RNF144A: variants seen among roughly 807,000 people sequenced by gnomAD.
RNF144A encodes the protein E3 ubiquitin-protein ligase RNF144A.
In RNF144A, 11 loss-of-function variants were observed where a neutral mutation model predicts 38.7. That is an observed-to-expected ratio of 0.28 (90% CI 0.18 to 0.47). The LOEUF (loss-of-function observed/expected upper bound fraction) is 0.47. RNF144A is among the 20% of genes least tolerant of loss of function. RNF144A has a pLI of 0.99. For missense variants in RNF144A, 316 were observed against 377.2 expected, an observed-to-expected ratio of 0.84 and a Z score of 1.34; for synonymous variants, 149 against 143.9, an observed-to-expected ratio of 1.04 and a Z score of -0.25.
intron 8 of RNF144A, among the ~76,000 whole-genome samples, chr2:7,032,998 T>A (rs918258937): frequency 6.6e-6 from 1 of 152,244 alleles, no homozygotes; most frequent in Non-Finnish European, 1.5e-5. Context: ...TGTGAGTGGA[T>A]GCTGTTGTGT....
At position 7,020,618 on chromosome 2, in the gene RNF144A, C is replaced by T. The variant is rs1276902407; in HGVS notation, c.447C>T (p.Ser149=). 6.2e-7 allele frequency: 1 copy of T among 1,609,920 alleles called. No homozygotes were observed. Residue 149 remains serine, a synonymous_variant, in exon 6 of 9, where the codon AGC becomes AGT. Coordinates refer to ENST00000320892, the MANE Select transcript of RNF144A (RefSeq NM_014746.6). ...AATTCTGCTCCACCTGCAAAGCCAG[C>T]TGGCACCCTGGCCAGGGCTGCCCGG... The part of the protein sequence containing the change: ...RMEFCSTCKA[S]WHPGQGCPET...
intron 2 of RNF144A, among the ~76,000 whole-genome samples, chr2:6,976,354 G>T (rs1456929192): frequency 6.6e-6 from 1 of 152,068 alleles, no homozygotes; most frequent in Non-Finnish European, 1.5e-5. Context: ...TCTTATAATT[G>T]TGTTTGTTTG....
intron 1 of RNF144A, among the ~76,000 whole-genome samples, chr2:6,931,338 G>T (rs1405813906): frequency 6.6e-6 from 1 of 152,228 alleles, no homozygotes; most frequent in Non-Finnish European, 1.5e-5. Flanking sequence ...ATCCTCTGAG[G>T]ATTAAAGAAA....
intron 6 of RNF144A, chr2:7,063,061 GGGA>G (rs1163554189): frequency 1.3e-5 from 2 of 152,208 alleles, no homozygotes; most frequent in African/African-American, 4.8e-5. Context: ...ATTGCAGCTG[GGGA>G]GGAGGACACC....
chr2:6,918,326 T>C (rs1168791714), intron 1 of RNF144A: 2 of 152,406 alleles, frequency 1.3e-5, no homozygotes, highest in African/African-American at 4.8e-5. Flanking sequence ...TGCACTGTGC[T>C]TGGCTCCCAG....
chr2:7,004,387 CACCA>C (rs1670306428), intron 3 of RNF144A, among the ~76,000 whole-genome samples: 1 of 152,188 alleles, frequency 6.6e-6, no homozygotes, highest in Non-Finnish European at 1.5e-5. Context: ...CTATTGGCTG[CACCA>C]CCCTATCTGA....
intron 2 of RNF144A, among the ~76,000 whole-genome samples, chr2:6,979,312 T>C (rs1668491440): frequency 6.6e-6 from 1 of 152,068 alleles, no homozygotes; most frequent in African/African-American, 2.4e-5. Flanking sequence ...TTTTTCCTGG[T>C]TATTAGGACA....
chr2:6,978,707 G>A (rs1162648781), intron 2 of RNF144A: 1 of 152,662 alleles, frequency 6.6e-6, no homozygotes, highest in African/African-American at 2.4e-5. Context: ...CAGGAAACAA[G>A]TAGGCTGGTT....
In RNF144A at chr2:6,990,406, A is replaced by G. The variant is rs912649619; in HGVS notation, c.-11-6510A>G. 2.2e-3 allele frequency among the ~76,000 whole-genome samples: 303 copies of G among 138,078 alleles called. 6 individuals carry two copies. The highest frequency in any genetic ancestry group is 6.0e-3 in the African/African-American group (216 of 36,172). 90.6% of individuals were successfully genotyped at this position (138,078 alleles called of 152,430 possible). On this transcript the variant is annotated intron_variant, in intron 2 of 8. Coordinates refer to ENST00000320892, the MANE Select transcript of RNF144A (RefSeq NM_014746.6). Reference sequence around the variant, plus strand: ...TATTTACACACACACACACACACACACACACACACACACACACACACACAC... The same window carrying G: ...TATTTACACACACACACACACACACGCACACACACACACACACACACACAC...
intron 1 of RNF144A, among the ~76,000 whole-genome samples, chr2:6,939,705 T>C (rs781749779): frequency 1.3e-5 from 2 of 152,220 alleles, no homozygotes; most frequent in African/African-American, 4.8e-5. Context: ...TAAATTTAGC[T>C]GTTATATTTA....
chr2:6,995,923 C>A (rs1373679108), intron 2 of RNF144A, among the ~76,000 whole-genome samples: 1 of 152,162 alleles, frequency 6.6e-6, no homozygotes, highest in Non-Finnish European at 1.5e-5. Flanking sequence ...GCGGCCGACC[C>A]TTTATGTGAT....
rs112707977 is a variant in RNF144A at position 6,917,849 on chromosome 2, C to T, written c.-212+227C>T. On this transcript the variant is annotated intron_variant, in intron 1 of 8. Coordinates refer to ENST00000320892, the MANE Select transcript of RNF144A (RefSeq NM_014746.6). This position sits in a 1 kb window ranked among gnomAD's most constrained non-coding sequence, Gnocchi z 4.8. ...ACGCCCGCCCTGCCCTGCCCGTGTC[C>T]CTGACCTCGTCCCTGCTCTGCTCCT... 0.026 allele frequency among the ~76,000 whole-genome samples: 3,990 copies of T among 151,104 alleles called. 81 individuals carry two copies. The highest frequency in any genetic ancestry group is 0.054 in the South Asian group (262 of 4,814).
At chr2:6,952,501 T>C (rs1042286294) in intron 2 of RNF144A, among the ~76,000 whole-genome samples, 4 of 151,516 alleles carry the variant, frequency 2.6e-5, no homozygotes, top group Non-Finnish European at 5.9e-5. Flanking sequence ...GACCTAGTGA[T>C]TTCATTGTAG....
chr2:6,939,228 A>G (rs1427593223), intron 1 of RNF144A, among the ~76,000 whole-genome samples: 1 of 152,188 alleles, frequency 6.6e-6, no homozygotes, highest in African/African-American at 2.4e-5. Context: ...ACATTTCTCC[A>G]CATTCTTGTC....
chr2:7,024,307 A>C (rs750792194), intron 6 of RNF144A, 62 bp from the exon 7 acceptor site: 2 of 1,458,454 alleles, frequency 1.4e-6, no homozygotes, highest in Admixed American at 3.7e-5. Context: ...CAGCATAGCC[A>C]GTGCTCCTGG....
At position 7,003,351 on chromosome 2, in the gene RNF144A, C is replaced by T. The variant is rs116184778; in HGVS notation, c.135+6290C>T. Among the ~76,000 whole-genome samples the T allele has an allele frequency of 4.0e-3, 605 of 152,326 alleles. 1 individual carries two copies. The highest frequency in any genetic ancestry group is 0.014 in the African/African-American group (586 of 41,570). On this transcript the variant is annotated intron_variant, in intron 3 of 8. Coordinates refer to ENST00000320892, the MANE Select transcript of RNF144A (RefSeq NM_014746.6). ...CCACTCACTCACCCGGAGTAGCTCC[C>T]AGTCCTGTGAGCTCTATTCATGGTA...
intron 6 of RNF144A, among the ~76,000 whole-genome samples, chr2:7,022,839 T>G (rs1671626476): frequency 6.6e-6 from 1 of 152,246 alleles, no homozygotes; most frequent in Non-Finnish European, 1.5e-5. Context: ...GTTTGCTCCT[T>G]GCAACAACCT....
intron 2 of RNF144A, among the ~76,000 whole-genome samples, chr2:6,952,592 A>G (rs748959791): frequency 1.3e-5 from 2 of 150,202 alleles, no homozygotes; most frequent in Non-Finnish European, 3.0e-5. Flanking sequence ...GTTAAGCTTT[A>G]TGTATATATA....
At chr2:6,971,052 A>T (rs150430937) in intron 2 of RNF144A, among the ~76,000 whole-genome samples, 1 of 152,328 alleles carries the variant, frequency 6.6e-6, no homozygotes, top group African/African-American at 2.4e-5. Context: ...AAAGTGTAAC[A>T]TACACTTTGT....
Sources: allele counts gnomAD v4.1 joint callset (sites outside exome capture counted in the v4.1 genomes callset), GRCh38; gene constraint gnomAD v4.1.1; non-coding constraint Gnocchi (gnomAD v3.1); transcripts MANE v1.5; gene names NCBI Gene and HGNC (gene_info 2026-07-23, HGNC 2026-07-21).